The following METTL15 variants were observed in gnomAD, a reference collection of about 807,000 sequenced individuals.
The protein encoded by METTL15 is methyltransferase 15, mitochondrial 12S rRNA N4-cytidine.
Under a neutral mutation model 38.3 loss-of-function variants are expected in METTL15, and 34 were observed. The observed-to-expected ratio is 0.89, with a 90% CI of 0.68 to 1.18. METTL15 has a LOEUF of 1.18. Among genes scored for constraint, METTL15 ranks in the 50% most tolerant of loss-of-function variants. The probability of loss-of-function intolerance (pLI) is 0.00; values close to 1 mark genes in which losing one functional copy is unlikely to be tolerated. For synonymous variants in METTL15, 162 were observed against 170.9 expected (o/e 0.95, Z 0.41); for missense variants, 438 against 498.4 (o/e 0.88, Z 1.15).
intron 4 of METTL15, among the ~76,000 whole-genome samples, chr11:28,216,055 A>G (rs1342573926): frequency 6.6e-6 from 1 of 152,110 alleles, no homozygotes. Flanking sequence ...CAGATCAGAA[A>G]GAATACAAAT....
chr11:28,150,027 A>G (rs1009029622), intron 3 of METTL15, among the ~76,000 whole-genome samples: 3 of 151,914 alleles, frequency 2.0e-5, no homozygotes, highest in African/African-American at 7.2e-5. Context: ...TTTCAAATAT[A>G]GGAAACTATA....
At chr11:28,155,334 C>T (rs2133728898) in intron 3 of METTL15, among the ~76,000 whole-genome samples, 1 of 152,250 alleles carries the variant, frequency 6.6e-6, no homozygotes, top group Admixed American at 6.5e-5. Context: ...TCAGCATCTT[C>T]TTTTACAAGG....
intron 6 of METTL15, among the ~76,000 whole-genome samples, chr11:28,467,559 C>T (rs1851267385): frequency 6.6e-6 from 1 of 152,132 alleles, no homozygotes; most frequent in Non-Finnish European, 1.5e-5. Context: ...CAACACAGTC[C>T]TTGCATCTCT....
intron 6 of METTL15, among the ~76,000 whole-genome samples, chr11:28,313,916 C>T (rs549124853): frequency 6.6e-6 from 1 of 152,134 alleles, no homozygotes; most frequent in African/African-American, 2.4e-5. Flanking sequence ...ATGCCTTTAG[C>T]CCTTGAAACA....
chr11:28,213,948 C>A (rs1007222139), intron 4 of METTL15, among the ~76,000 whole-genome samples: 1 of 151,908 alleles, frequency 6.6e-6, no homozygotes, highest in African/African-American at 2.4e-5. Flanking sequence ...AGCCACCACG[C>A]CCGGCCAAAG....
chr11:28,220,441 G>C (rs935689997), intron 4 of METTL15, among the ~76,000 whole-genome samples: 1 of 151,718 alleles, frequency 6.6e-6, no homozygotes, highest in African/African-American at 2.4e-5. Context: ...CCTTTATTTT[G>C]AGCCTATGTG....
At chr11:28,222,436 C>G (rs1853280827) in intron 4 of METTL15, among the ~76,000 whole-genome samples, 1 of 152,202 alleles carries the variant, frequency 6.6e-6, no homozygotes, top group Non-Finnish European at 1.5e-5. Flanking sequence ...ACCCGATTTT[C>G]CAGGTGCCGT....
At chr11:28,234,002 T>C (rs1853813404) in intron 4 of METTL15, among the ~76,000 whole-genome samples, 1 of 143,680 alleles carries the variant, frequency 7.0e-6, no homozygotes, top group Admixed American at 7.0e-5. Flanking sequence ...CCCCTTACTG[T>C]GTCCATGTGT....
rs1044558330 is a variant in METTL15 at position 28,432,097 on chromosome 11, G to A, written c.*424+7733G>A. On this transcript the variant is annotated intron_variant and NMD_transcript_variant, in intron 6 of 7. Transcript: ENST00000532947. Reference sequence around the variant, plus strand: ...TCTGTGACTTGGACTCCATCTCATGGAGAATACCTTTGTGTGCCATGCAAG... The same window carrying A: ...TCTGTGACTTGGACTCCATCTCATGAAGAATACCTTTGTGTGCCATGCAAG... Among the ~76,000 whole-genome samples, 17 of 152,210 alleles carry A rather than the reference G, an allele frequency of 1.1e-4. 1 individual carries two copies. The highest frequency in any genetic ancestry group is 3.9e-4 in the African/African-American group (16 of 41,458).
At chr11:28,366,390 T>A (rs1006114516) in intron 5 of METTL15, among the ~76,000 whole-genome samples, 65 of 152,050 alleles carry the variant, frequency 4.3e-4, no homozygotes, top group Non-Finnish European at 1.0e-4. Context: ...ACAATAAAAA[T>A]AAAACCTCAA....
intron 5 of METTL15, among the ~76,000 whole-genome samples, chr11:28,382,854 T>C (rs11824129): frequency 0.055 from 8,312 of 151,224 alleles, 400 homozygotes; most frequent in African/African-American, 0.13. Context: ...AAAAAGAAAG[T>C]TCAATTATCT....
intron 3 of METTL15, among the ~76,000 whole-genome samples, chr11:28,157,838 A>T (rs1341920587): frequency 1.3e-5 from 2 of 152,114 alleles, no homozygotes; most frequent in African/African-American, 2.4e-5. Flanking sequence ...GTTACCTATG[A>T]TCAGTTGACA....
chr11:28,137,775 C>A (rs1849561480), intron 3 of METTL15, among the ~76,000 whole-genome samples: 1 of 151,606 alleles, frequency 6.6e-6, no homozygotes, highest in Non-Finnish European at 1.5e-5. Flanking sequence ...AACTAACAGG[C>A]ATTACAGCTT....
intron 5 of METTL15, among the ~76,000 whole-genome samples, chr11:28,396,549 C>T (rs1850570826): frequency 6.6e-6 from 1 of 152,124 alleles, no homozygotes; most frequent in Non-Finnish European, 1.5e-5. Context: ...TGAAGGACCT[C>T]TTCAAGGAGA....
chr11:28,307,502 A>G (rs1003540281), intron 6 of METTL15, among the ~76,000 whole-genome samples: 6 of 152,010 alleles, frequency 3.9e-5, no homozygotes, highest in Admixed American at 3.3e-4. Context: ...TTTAGCATAT[A>G]GGCACTTGCT....
chr11:28,213,202 T>A (rs2133844728), intron 4 of METTL15, among the ~76,000 whole-genome samples: 1 of 151,698 alleles, frequency 6.6e-6, no homozygotes, highest in South Asian at 2.1e-4. Context: ...ATAAATTAGA[T>A]AAGAACAAGG....
In METTL15 at chr11:28,147,810, A is replaced by G. The variant is rs185803084; in HGVS notation, c.270+34206A>G. ...CAACATTTTTACCTTTGTTTAACCC[A>G]TTGTACAAACTTATTTGATCATATA... On this transcript the variant is annotated intron_variant, in intron 3 of 6. Coordinates refer to ENST00000407364, the MANE Select transcript of METTL15 (RefSeq NM_001113528.2). 1.4e-3 allele frequency among the ~76,000 whole-genome samples: 209 copies of G among 151,984 alleles called. 2 individuals are homozygous for G. The highest frequency in any genetic ancestry group is 4.7e-3 in the African/African-American group (196 of 41,546).
intron 3 of METTL15, among the ~76,000 whole-genome samples, chr11:28,208,516 A>T (rs1033885667): frequency 2.1e-4 from 32 of 151,736 alleles, no homozygotes; most frequent in Non-Finnish European, 2.9e-4. Context: ...TGCTGAGGAG[A>T]GCTTTACTTC....
rs374457430 is a variant in METTL15 at position 28,287,647 on chromosome 11, A to G, written c.408-2559A>G. On this transcript the variant is annotated intron_variant, in intron 4 of 6. Transcript: ENST00000407364. ...CCATTGTGGTGGCGTGGAAGGAGCTATAATTTATATTTTTAATATACATAT... is the reference window on the plus strand; with the variant it reads ...CCATTGTGGTGGCGTGGAAGGAGCTGTAATTTATATTTTTAATATACATAT... 6.6e-4 allele frequency: 104 copies of G among 157,228 alleles called. No individual in the cohort carries two copies. In the Middle Eastern group the frequency reaches 0.013, roughly 20 times the overall value. 9.7% of individuals were successfully genotyped at this position (157,228 alleles called of 1,614,324 possible).
Sources: gnomAD v4.1 joint callset for allele counts (sites outside exome capture counted in the v4.1 genomes callset) on GRCh38, gnomAD v4.1.1 for gene constraint, MANE v1.5 for transcripts, NCBI Gene and HGNC (gene_info 2026-07-23, HGNC 2026-07-21) for gene names.